The following WDFY3 variants were observed in gnomAD, a reference collection of about 807,000 sequenced individuals.
WDFY3 encodes WD repeat and FYVE domain-containing protein 3.
A neutral mutation model predicts 409.6 loss-of-function variants in WDFY3; 66 were observed. That is an observed-to-expected ratio of 0.16 (90% CI 0.13 to 0.20). The LOEUF (loss-of-function observed/expected upper bound fraction) is 0.20. WDFY3 is among the 10% of genes least tolerant of loss of function. WDFY3 has a pLI of 1.00. For missense variants in WDFY3, 3,031 were observed against 4,298.1 expected, an observed-to-expected ratio of 0.71 and a Z score of 8.24; for synonymous variants, 1,521 against 1,537.1, an observed-to-expected ratio of 0.99 and a Z score of 0.25.
rs111802737 is a variant in WDFY3, at chr4:84,728,611, T to G, written c.7222-1700A>C. On this transcript the variant is annotated intron_variant, in intron 44 of 67. Transcript: ENST00000295888. ...CAACAAAACAGACCAATTACTAATG[T>G]CACACCTAACTGTGACATTCACTAT... Among the ~76,000 whole-genome samples, 657 of 152,234 alleles carry G rather than the reference T, an allele frequency of 4.3e-3. 2 individuals carry two copies. Among genetic ancestry groups the G allele is most frequent in the African/African-American group, 0.014 (571 of 41,552 alleles).
chr4:84,701,522 A>C (rs1731065706), intron 56 of WDFY3, among the ~76,000 whole-genome samples: 1 of 152,256 alleles, frequency 6.6e-6, no homozygotes, highest in Non-Finnish European at 1.5e-5. Context: ...AACAGTAGAA[A>C]ATACAAGGAA....
At chr4:84,952,882 A>G (rs1773785291) in intron 1 of WDFY3, among the ~76,000 whole-genome samples, 1 of 152,176 alleles carries the variant, frequency 6.6e-6, no homozygotes, top group Admixed American at 6.5e-5. Context: ...GGAGGGTCCT[A>G]AAGAAATTAA....
Position 84,772,833 on chromosome 4 carries a change from A to G in WDFY3, c.4849+2T>C, listed in dbSNP as rs763090273. ...CTTCTCCAAGCTCCAGAATCAACTT[A>G]CCAGTGTCAAGCTTCTCTTCATTAT... On this transcript the variant is annotated splice_donor_variant, in intron 30 of 67. Coordinates refer to ENST00000295888, the MANE Select transcript of WDFY3 (RefSeq NM_014991.6). LOFTEE classifies it high-confidence loss of function. The G allele has an allele frequency of 6.2e-7, 1 of 1,608,478 alleles. No homozygotes were observed. The highest frequency in any genetic ancestry group is 8.5e-7 in the Non-Finnish European group (1 of 1,177,578).
chr4:84,914,977 ATAGAT>A (rs1768284234), intron 2 of WDFY3, among the ~76,000 whole-genome samples: 1 of 152,246 alleles, frequency 6.6e-6, no homozygotes, highest in African/African-American at 2.4e-5. Flanking sequence ...TACACATACA[ATAGAT>A]TATTCTTCCA....
intron 7 of WDFY3, 147 bp from the exon 8 acceptor site, chr4:84,831,752 T>A (rs910757678): frequency 5.5e-5 from 36 of 659,812 alleles, no homozygotes; most frequent in Non-Finnish European, 8.3e-5. Flanking sequence ...TCAACATCAC[T>A]AATCATCAGG....
chr4:84,760,298 T>C (rs1420255137), intron 32 of WDFY3, among the ~76,000 whole-genome samples: 2 of 152,158 alleles, frequency 1.3e-5, no homozygotes, highest in African/African-American at 4.8e-5. Flanking sequence ...GGCTTTGGTA[T>C]CAGGATGATG....
At chr4:84,751,143 T>C (rs1323817322) in intron 36 of WDFY3, 1 of 341,408 alleles carries the variant, frequency 2.9e-6, no homozygotes, top group East Asian at 6.8e-5. Flanking sequence ...TGTCCATGGC[T>C]GCTTTCTAGC....
At position 84,698,286 on chromosome 4, in the gene WDFY3, A is replaced by G. The variant is rs1036404763; in HGVS notation, c.8597-1463T>C. On this transcript the variant is annotated intron_variant, in intron 56 of 67. Transcript: ENST00000295888. ...GTCTAATTCTATATAATATATATAT[A>G]TATATTTTTTTTTTTTGAGACAGGG... Among the ~76,000 whole-genome samples the G allele has an allele frequency of 7.5e-5, 11 of 146,854 alleles. No homozygotes were observed. In the Admixed American group the frequency reaches 7.6e-4, roughly 10 times the overall value.
chr4:84,959,710 G>T (rs1774682301), intron 1 of WDFY3, among the ~76,000 whole-genome samples: 1 of 152,158 alleles, frequency 6.6e-6, no homozygotes, highest in Non-Finnish European at 1.5e-5. Context: ...TGCTGAGGTT[G>T]ACATGCCTGT....
chr4:84,918,828 G>GAT (rs139610468), intron 2 of WDFY3, among the ~76,000 whole-genome samples: 264 of 145,550 alleles, frequency 1.8e-3, no homozygotes, highest in African/African-American at 4.2e-3. Flanking sequence ...TATATATATA[G>GAT]ATATATATAT....
At position 84,715,359 on chromosome 4, in the gene WDFY3, C is replaced by T. The variant is rs2149037826; in HGVS notation, c.7900G>A (p.Gly2634Arg). 6.2e-7 allele frequency: 1 copy of T among 1,608,388 alleles called. No homozygotes were observed. The highest frequency in any genetic ancestry group is 8.5e-7 in the Non-Finnish European group (1 of 1,175,312). The stretch of plus-strand genomic sequence containing the variant: ...GCAAGGAGGTAATTCCGTCCATCTC[C>T]AGAGAAAACTTCCACAGCAATAGGC... ...LQPIAVEVFSGDGRNYLLAFQ... is the reference protein window; with the variant it reads ...LQPIAVEVFSRDGRNYLLAFQ... Residue 2634 changes from glycine (G) to arginine (R), a missense_variant, in exon 50 of 68, where the codon GGA becomes AGA. This residue lies in a region of WDFY3 where 45 missense variants were observed against 121.8 expected (regional missense o/e 0.37). Coordinates refer to ENST00000295888, the MANE Select transcript of WDFY3 (RefSeq NM_014991.6).
At chr4:84,916,709 A>G (rs945156690) in intron 2 of WDFY3, among the ~76,000 whole-genome samples, 3 of 152,212 alleles carry the variant, frequency 2.0e-5, no homozygotes, top group African/African-American at 4.8e-5. Flanking sequence ...TGGACTCTTG[A>G]TAAATTGAAA....
intron 1 of WDFY3, among the ~76,000 whole-genome samples, chr4:84,951,870 G>A (rs1456618686): frequency 2.0e-5 from 3 of 152,118 alleles, no homozygotes; most frequent in East Asian, 1.9e-4. Context: ...TGGAATATGA[G>A]GAGACTTTTA....
chr4:84,775,223 A>G, intron 27 of WDFY3, 85 bp from the exon 28 acceptor site: 1 of 1,066,064 alleles, frequency 9.4e-7, no homozygotes, highest in African/African-American at 1.6e-5. Context: ...CAGCACATGG[A>G]ACTTATTTCA....
At position 84,751,705 on chromosome 4, in the gene WDFY3, A is replaced by G. The variant is rs1281978661; in HGVS notation, c.5751T>C (p.Leu1917=). Reference sequence around the variant, plus strand: ...CTGCTGGAGATCCAACTTCATCATCAAGGTCAGTCACCTAGTAAAATCAAG... The same window carrying G: ...CTGCTGGAGATCCAACTTCATCATCGAGGTCAGTCACCTAGTAAAATCAAG... The part of the protein sequence containing the change: ...IRPYSEMVTD[L]DDEVGSPAEE... The change falls in exon 36 of 68, where the codon CTT becomes CTC. Residue 1917 remains leucine, a synonymous_variant. Transcript: ENST00000295888. 2 of 1,614,038 alleles carry G rather than the reference A, an allele frequency of 1.2e-6. No homozygotes were observed. The highest frequency in any genetic ancestry group is 2.7e-5 in the African/African-American group (2 of 74,930).
At chr4:84,701,450 T>C (rs1347021874) in intron 56 of WDFY3, among the ~76,000 whole-genome samples, 1 of 152,234 alleles carries the variant, frequency 6.6e-6, no homozygotes, top group East Asian at 1.9e-4. Context: ...CACTTCCCTG[T>C]ATTTTCTGTT....
chr4:84,723,831 G>T (rs1407061198), intron 46 of WDFY3, among the ~76,000 whole-genome samples: 1 of 152,184 alleles, frequency 6.6e-6, no homozygotes, highest in Non-Finnish European at 1.5e-5. Flanking sequence ...GGATAATGGA[G>T]AAGCTGTAGA....
intron 15 of WDFY3, among the ~76,000 whole-genome samples, chr4:84,805,020 C>T (rs376938510): frequency 1.3e-5 from 2 of 152,086 alleles, no homozygotes; most frequent in Non-Finnish European, 2.9e-5. Context: ...ACCCACATGA[C>T]GCCATAAGTA....
chr4:84,715,272 T>C (rs370060037), intron 50 of WDFY3, 26 bp downstream of exon 50: 130 of 1,408,026 alleles, frequency 9.2e-5, no homozygotes, highest in Non-Finnish European at 1.2e-4. Flanking sequence ...CATAATAGTA[T>C]ACAAAGTGTT....
Sources: allele counts gnomAD v4.1 joint callset (sites outside exome capture counted in the v4.1 genomes callset), GRCh38; gene constraint gnomAD v4.1.1; regional missense constraint gnomAD v4.1.1; transcripts MANE v1.5; gene names NCBI Gene and HGNC (gene_info 2026-07-23, HGNC 2026-07-21).